The following CACNA2D3 variants were observed in gnomAD, a reference collection of about 807,000 sequenced individuals.
CACNA2D3 encodes the protein calcium voltage-gated channel auxiliary subunit alpha2delta 3.
CACNA2D3 carries 60 observed loss-of-function variants against 160.6 expected under a neutral mutation model. The observed-to-expected ratio is 0.37, with a 90% CI of 0.30 to 0.46. CACNA2D3 has a LOEUF of 0.46. Ranked by LOEUF, CACNA2D3 falls within the 20% of genes least tolerant of loss-of-function variation. The pLI, the probability that CACNA2D3 is intolerant of heterozygous loss-of-function variation, is 1.00. For synonymous variants in CACNA2D3, 558 were observed against 492.9 expected, an observed-to-expected ratio of 1.13 and a Z score of -1.75; for missense variants, 1,205 against 1,365.0, an observed-to-expected ratio of 0.88 and a Z score of 1.85.
intron 11 of CACNA2D3, among the ~76,000 whole-genome samples, chr3:54,677,492 G>A (rs529503679): frequency 2.9e-4 from 44 of 152,176 alleles, no homozygotes; most frequent in African/African-American, 9.6e-4. Context: ...CTTCAAATAA[G>A]CATTGTGATT....
intron 2 of CACNA2D3, among the ~76,000 whole-genome samples, chr3:54,241,714 C>T (rs1452404904): frequency 5.9e-5 from 9 of 152,060 alleles, no homozygotes; most frequent in African/African-American, 2.2e-4. Context: ...GCATAGGTTG[C>T]CAGTGTAGGA....
chr3:54,765,779 A>T (rs1057378284), intron 13 of CACNA2D3, among the ~76,000 whole-genome samples: 1 of 152,218 alleles, frequency 6.6e-6, no homozygotes, highest in Non-Finnish European at 1.5e-5. Context: ...ACCTGGACAG[A>T]CAGATCAGTA....
At chr3:54,718,611 G>C (rs1479876688) in intron 11 of CACNA2D3, among the ~76,000 whole-genome samples, 2 of 151,854 alleles carry the variant, frequency 1.3e-5, no homozygotes, top group East Asian at 3.9e-4. Flanking sequence ...GGTAGTATAA[G>C]TCTTCCAATA....
At position 54,871,522 on chromosome 3, in the gene CACNA2D3, C is replaced by T; in HGVS notation, c.1627-17C>T. Reference sequence around the variant, plus strand: ...GGACTTTTGTTTTTCTTTTCTTTTTCTTCTTCCCCTTGCTAGTACGAAGAA... The same window carrying T: ...GGACTTTTGTTTTTCTTTTCTTTTTTTTCTTCCCCTTGCTAGTACGAAGAA... On this transcript the variant is annotated splice_polypyrimidine_tract_variant and intron_variant, in intron 17 of 37. Transcript: ENST00000474759. The T allele has an allele frequency of 6.3e-7, 1 of 1,595,536 alleles. No homozygotes were observed. The highest frequency in any genetic ancestry group is 8.6e-7 in the Non-Finnish European group (1 of 1,164,926).
chr3:54,934,311 G>A (rs1042110440), intron 27 of CACNA2D3, among the ~76,000 whole-genome samples: 1 of 152,206 alleles, frequency 6.6e-6, no homozygotes, highest in African/African-American at 2.4e-5. Flanking sequence ...CTCAGGAGGT[G>A]AGAACATAGT....
intron 2 of CACNA2D3, among the ~76,000 whole-genome samples, chr3:54,225,251 G>A (rs1701650767): frequency 6.6e-6 from 1 of 152,120 alleles, no homozygotes; most frequent in Non-Finnish European, 1.5e-5. Context: ...ATGGTTTCCA[G>A]CTTCATCCAT....
At chr3:54,261,921 C>T (rs1175584933) in intron 2 of CACNA2D3, among the ~76,000 whole-genome samples, 1 of 152,152 alleles carries the variant, frequency 6.6e-6, no homozygotes, top group South Asian at 2.1e-4. Flanking sequence ...CACAGACCCC[C>T]CCATGGTGCC....
At chr3:54,237,627 T>G (rs1701907815) in intron 2 of CACNA2D3, among the ~76,000 whole-genome samples, 1 of 152,140 alleles carries the variant, frequency 6.6e-6, no homozygotes, top group Non-Finnish European at 1.5e-5. Flanking sequence ...CTTCATTTAA[T>G]GTGCTCAAGT....
chr3:54,644,703 T>C (rs1324736675), intron 11 of CACNA2D3, among the ~76,000 whole-genome samples: 1 of 152,246 alleles, frequency 6.6e-6, no homozygotes, highest in Non-Finnish European at 1.5e-5. Flanking sequence ...TTGAGTGAGC[T>C]TCGGGATCAC....
At chr3:54,807,342 T>A (rs1411346114) in intron 13 of CACNA2D3, among the ~76,000 whole-genome samples, 1 of 151,964 alleles carries the variant, frequency 6.6e-6, no homozygotes, top group African/African-American at 2.4e-5. Flanking sequence ...TACAATGAAC[T>A]CAAACAAATT....
chr3:54,296,955 T>G (rs6445642), intron 2 of CACNA2D3, among the ~76,000 whole-genome samples: 129,609 of 152,188 alleles, frequency 0.85, 55,341 homozygotes, highest in African/African-American at 0.9. Context: ...AGGTCAGGGG[T>G]ACCTTTCTGC....
At chr3:54,483,481 G>A (rs1439162887) in intron 4 of CACNA2D3, among the ~76,000 whole-genome samples, 3 of 152,182 alleles carry the variant, frequency 2.0e-5, no homozygotes, top group Non-Finnish European at 2.9e-5. Context: ...TCCCCGATCT[G>A]TATTGTCAGC....
At chr3:54,637,071 T>C (rs1249065503) in intron 10 of CACNA2D3, among the ~76,000 whole-genome samples, 1 of 151,936 alleles carries the variant, frequency 6.6e-6, no homozygotes, top group African/African-American at 2.4e-5. Flanking sequence ...ACAATTTGGT[T>C]GATAAGGCAC....
chr3:55,052,155 A>T (rs1156450920), intron 35 of CACNA2D3, among the ~76,000 whole-genome samples: 1 of 151,770 alleles, frequency 6.6e-6, no homozygotes, highest in Non-Finnish European at 1.5e-5. Flanking sequence ...AATTCAAAAT[A>T]TTTTCTCATT....
chr3:55,028,065 G>T (rs749489481), intron 35 of CACNA2D3, among the ~76,000 whole-genome samples: 7 of 152,188 alleles, frequency 4.6e-5, no homozygotes, highest in Non-Finnish European at 8.8e-5. Context: ...TCAGTCTTCA[G>T]AAGTCTTTGA....
chr3:54,267,508 T>A (rs1702540993), intron 2 of CACNA2D3, among the ~76,000 whole-genome samples: 1 of 152,236 alleles, frequency 6.6e-6, no homozygotes, highest in African/African-American at 2.4e-5. Context: ...TACTGTGTAG[T>A]AGATACCCAG....
At chr3:54,466,012 C>A (rs1423646791) in intron 4 of CACNA2D3, among the ~76,000 whole-genome samples, 3 of 152,060 alleles carry the variant, frequency 2.0e-5, no homozygotes, top group African/African-American at 7.2e-5. Flanking sequence ...GCATGTGGTC[C>A]CCTCCACCTT....
At chr3:55,007,877 T>C (rs749153544) in intron 33 of CACNA2D3, 35 bp downstream of exon 33, 1 of 1,435,398 alleles carries the variant, frequency 7.0e-7, no homozygotes, top group Non-Finnish European at 9.3e-7. Context: ...TTGAAAAGTA[T>C]TAATATTTTC....
At chr3:54,771,181 T>A (rs976237487) in intron 13 of CACNA2D3, among the ~76,000 whole-genome samples, 3 of 152,116 alleles carry the variant, frequency 2.0e-5, no homozygotes, top group Non-Finnish European at 4.4e-5. Flanking sequence ...GAGAGAGGGG[T>A]CACTAATTGG....
Sources: gnomAD v4.1 joint callset for allele counts (sites outside exome capture counted in the v4.1 genomes callset) on GRCh38, gnomAD v4.1.1 for gene constraint, MANE v1.5 for transcripts, NCBI Gene and HGNC (gene_info 2026-07-23, HGNC 2026-07-21) for gene names.